PTPRT: variants seen among roughly 807,000 people sequenced by gnomAD.
The protein encoded by PTPRT is protein tyrosine phosphatase receptor type T.
In PTPRT, 56 loss-of-function variants were observed where a neutral mutation model predicts 176.8. The observed-to-expected ratio is 0.32, with a 90% confidence interval of 0.26 to 0.40. The LOEUF (loss-of-function observed/expected upper bound fraction) is 0.40. PTPRT is among the 10% of genes least tolerant of loss of function. PTPRT has a pLI of 1.00. For synonymous variants in PTPRT, 783 were observed against 739.0 expected, an observed-to-expected ratio of 1.06 and a Z score of -0.96; for missense variants, 1,540 against 1,908.2, an observed-to-expected ratio of 0.81 and a Z score of 3.60.
chr20:42,347,691 T>C (rs1238946575), intron 11 of PTPRT, among the ~76,000 whole-genome samples: 1 of 152,132 alleles, frequency 6.6e-6, no homozygotes, highest in Non-Finnish European at 1.5e-5. Flanking sequence ...CATCACGACA[T>C]TGCAAATGTC....
chr20:42,380,139 T>C (rs76400579), intron 9 of PTPRT, among the ~76,000 whole-genome samples: 3,280 of 152,290 alleles, frequency 0.022, 132 homozygotes, highest in African/African-American at 0.075. Context: ...GTCAGAATGC[T>C]ACTGCAGGCT....
chr20:42,253,992 T>C (rs949143414), intron 13 of PTPRT, among the ~76,000 whole-genome samples: 5 of 152,334 alleles, frequency 3.3e-5, no homozygotes, highest in African/African-American at 9.6e-5. Context: ...CTCTTACATA[T>C]GGAAACCTGG....
At chr20:42,383,304 C>T (rs2058713608) in intron 9 of PTPRT, among the ~76,000 whole-genome samples, 1 of 151,994 alleles carries the variant, frequency 6.6e-6, no homozygotes, top group Non-Finnish European at 1.5e-5. Context: ...TTCTGGCTTC[C>T]CTGGTGCCTG....
At chr20:42,388,032 C>T (rs2058761262) in intron 9 of PTPRT, among the ~76,000 whole-genome samples, 7 of 151,992 alleles carry the variant, frequency 4.6e-5, no homozygotes, top group Admixed American at 4.6e-4. Context: ...CCTCGTGATC[C>T]CCCACCTTGG....
chr20:42,656,515 C>T (rs758920057), intron 7 of PTPRT, among the ~76,000 whole-genome samples: 1 of 152,152 alleles, frequency 6.6e-6, no homozygotes, highest in Non-Finnish European at 1.5e-5. Flanking sequence ...AATGTCAACT[C>T]ATAATAGCTA....
chr20:42,903,752 A>C (rs2079438412), intron 1 of PTPRT, among the ~76,000 whole-genome samples: 1 of 152,224 alleles, frequency 6.6e-6, no homozygotes, highest in Admixed American at 6.5e-5. Flanking sequence ...AATTATTTGG[A>C]TACCAAGATT....
intron 12 of PTPRT, among the ~76,000 whole-genome samples, chr20:42,309,123 A>C (rs1258487310): frequency 6.6e-6 from 1 of 152,220 alleles, no homozygotes; most frequent in Non-Finnish European, 1.5e-5. Context: ...TATGACAAGA[A>C]AAGACTTTTA....
chr20:42,549,467 G>T (rs573948552), intron 7 of PTPRT, among the ~76,000 whole-genome samples: 1 of 152,106 alleles, frequency 6.6e-6, no homozygotes, highest in Non-Finnish European at 1.5e-5. Context: ...CAGAGAAGAA[G>T]GAGATAAGAG....
At chr20:42,833,619 A>T (rs1275799703) in intron 2 of PTPRT, among the ~76,000 whole-genome samples, 1 of 151,978 alleles carries the variant, frequency 6.6e-6, no homozygotes, top group Non-Finnish European at 1.5e-5. Context: ...TACAAGATAA[A>T]AGCAGACATA....
chr20:42,818,684 C>T (rs1428406900), intron 2 of PTPRT, among the ~76,000 whole-genome samples: 1 of 152,058 alleles, frequency 6.6e-6, no homozygotes, highest in Non-Finnish European at 1.5e-5. Flanking sequence ...CATAAATTAC[C>T]TGATGGAGCT....
At chr20:42,921,275 G>A (rs1241280579) in intron 1 of PTPRT, among the ~76,000 whole-genome samples, 1 of 152,140 alleles carries the variant, frequency 6.6e-6, no homozygotes, top group Non-Finnish European at 1.5e-5. Flanking sequence ...TTCAAAATAA[G>A]AAGGTACACT....
At chr20:43,122,751 A>G (rs769631224) in intron 1 of PTPRT, among the ~76,000 whole-genome samples, 24 of 152,186 alleles carry the variant, frequency 1.6e-4, no homozygotes, top group Admixed American at 7.9e-4. Context: ...GCAAAAGTAG[A>G]TGTTGGCACC....
At chr20:42,634,004 TATATATAATATATATATAATATATATA>T in intron 7 of PTPRT, among the ~76,000 whole-genome samples, 2 of 23,528 alleles carry the variant, frequency 8.5e-5, no homozygotes, top group African/African-American at 6.3e-4. Context: ...ATATATTATA[TATATATAATATATATATAATATATATA>T]TTATATATAT....
chr20:43,091,773 T>C (rs2011885153), intron 1 of PTPRT, among the ~76,000 whole-genome samples: 1 of 152,102 alleles, frequency 6.6e-6, no homozygotes, highest in Non-Finnish European at 1.5e-5. Flanking sequence ...GATGAGCTCA[T>C]GGTCCCAGGA....
chr20:42,054,306 T>A, the PTPRT span, among the ~76,000 whole-genome samples: 1 of 152,194 alleles, frequency 6.6e-6, no homozygotes, highest in Admixed American at 6.5e-5. Flanking sequence ...TTTAAGGAAC[T>A]GGTTATATTG....
intron 27 of PTPRT, among the ~76,000 whole-genome samples, chr20:42,097,671 A>G (rs1386598683): frequency 6.6e-6 from 1 of 152,234 alleles, no homozygotes; most frequent in Non-Finnish European, 1.5e-5. Flanking sequence ...TTAAATTCCC[A>G]TCCAAGGCCT....
chr20:42,559,173 C>T (rs2072909471), intron 7 of PTPRT, among the ~76,000 whole-genome samples: 1 of 152,132 alleles, frequency 6.6e-6, no homozygotes, highest in Non-Finnish European at 1.5e-5. Context: ...CTGCAAAATT[C>T]TGCCCTTTGA....
At chr20:43,048,451 G>C (rs1037232373) in intron 1 of PTPRT, among the ~76,000 whole-genome samples, 1 of 152,056 alleles carries the variant, frequency 6.6e-6, no homozygotes, top group African/African-American at 2.4e-5. Context: ...CTTAGACATG[G>C]CCCCATGGCA....
intron 17 of PTPRT, among the ~76,000 whole-genome samples, chr20:42,155,105 G>GTA (rs960038409): frequency 2.0e-5 from 3 of 152,186 alleles, no homozygotes; most frequent in African/African-American, 7.2e-5. Context: ...AAACACTGAA[G>GTA]TATATATCCC....
Sources: allele counts gnomAD v4.1 joint callset (sites outside exome capture counted in the v4.1 genomes callset), GRCh38; gene constraint gnomAD v4.1.1; transcripts MANE v1.5; gene names NCBI Gene and HGNC (gene_info 2026-07-23, HGNC 2026-07-21).